Variants in KIF26B observed in about 807,000 individuals in gnomAD.
The protein encoded by KIF26B is kinesin family member 26B, also known as kinesin-like protein KIF26B.
In KIF26B, 63 loss-of-function variants were observed where a neutral mutation model predicts 151.2. The ratio of observed to expected loss-of-function variants is 0.42; its 90% CI spans 0.34 to 0.51. The LOEUF is 0.51. KIF26B is among the 20% of genes least tolerant of loss of function. The pLI is 0.07. For missense variants in KIF26B, 2,813 were observed against 2,913.6 expected, an observed-to-expected ratio of 0.97 and a Z score of 0.79; for synonymous variants, 1,357 against 1,262.1, an observed-to-expected ratio of 1.08 and a Z score of -1.59.
chr1:245,652,715 C>G (rs2044033392), intron 10 of KIF26B, among the ~76,000 whole-genome samples: 1 of 152,160 alleles, frequency 6.6e-6, no homozygotes, highest in South Asian at 2.1e-4. Context: ...TAGTTTGACA[C>G]ATGAACTCTA....
intron 3 of KIF26B, among the ~76,000 whole-genome samples, chr1:245,385,368 A>T (rs1251270633): frequency 6.6e-6 from 1 of 152,276 alleles, no homozygotes; most frequent in Non-Finnish European, 1.5e-5. Flanking sequence ...GTAACTAGTC[A>T]TTAAATGTTT....
chr1:245,367,848 A>G lies in KIF26B; in HGVS notation c.999+481A>G, dbSNP rs1426427839. Among the ~76,000 whole-genome samples, 2 of 152,252 alleles carry G rather than the reference A, an allele frequency of 1.3e-5. No homozygotes were observed. The highest frequency in any genetic ancestry group is 4.8e-5 in the African/African-American group (2 of 41,464). ...GGATGTGAGTCACGAGAATTAAATA[A>G]GGTAGTGTTTGCATGACATGTAGGC... On this transcript the variant is annotated intron_variant, in intron 3 of 14. Coordinates refer to ENST00000407071, the MANE Select transcript of KIF26B (RefSeq NM_018012.4). The surrounding 1 kb of genome is among the most constrained non-coding windows in gnomAD (Gnocchi z 4.2).
At chr1:245,663,762 A>G (rs928918611) in intron 10 of KIF26B, among the ~76,000 whole-genome samples, 18 of 152,098 alleles carry the variant, frequency 1.2e-4, no homozygotes, top group African/African-American at 4.3e-4. Context: ...CAGGGTTCGC[A>G]ATTCTCAGGA....
intron 9 of KIF26B, among the ~76,000 whole-genome samples, chr1:245,618,645 A>G (rs185049627): frequency 5.6e-3 from 591 of 105,154 alleles, no homozygotes; most frequent in Admixed American, 0.018. Context: ...GGCTGTGTCC[A>G]CTGCATCAGT....
chr1:245,627,267 C>T (rs1771510), intron 9 of KIF26B, among the ~76,000 whole-genome samples: 116,215 of 152,076 alleles, frequency 0.76, 44,608 homozygotes, highest in East Asian at 0.89. Flanking sequence ...GATATTTCGA[C>T]AGAGACTGCA....
At chr1:245,565,479 G>A (rs781593116) in intron 5 of KIF26B, among the ~76,000 whole-genome samples, 1 of 151,920 alleles carries the variant, frequency 6.6e-6, no homozygotes, top group African/African-American at 2.4e-5. Context: ...TAGTAGAGAC[G>A]GGGTCTCACT....
intron 3 of KIF26B, among the ~76,000 whole-genome samples, chr1:245,411,963 T>C (rs1392016519): frequency 1.3e-5 from 2 of 152,214 alleles, no homozygotes; most frequent in Non-Finnish European, 2.9e-5. Context: ...CTCTACATTA[T>C]TTAACTTTGA....
At chr1:245,269,304 C>G (rs1294151352) in intron 2 of KIF26B, among the ~76,000 whole-genome samples, 4 of 147,068 alleles carry the variant, frequency 2.7e-5, no homozygotes, top group African/African-American at 1.0e-4. Flanking sequence ...CCTCCCTGCT[C>G]TGTGGCTGCC....
At chr1:245,585,515 G>A (rs894373830) in intron 5 of KIF26B, among the ~76,000 whole-genome samples, 4 of 150,768 alleles carry the variant, frequency 2.7e-5, no homozygotes, top group Non-Finnish European at 4.4e-5. Flanking sequence ...CAGGGCTGCC[G>A]TTCCTTCTCC....
chr1:245,616,223 T>C (rs2103158373), intron 9 of KIF26B, among the ~76,000 whole-genome samples: 1 of 152,376 alleles, frequency 6.6e-6, no homozygotes, highest in East Asian at 1.9e-4. Context: ...GTTTTGCAGA[T>C]AGCACTAGGT....
intron 2 of KIF26B, among the ~76,000 whole-genome samples, chr1:245,184,684 A>G (rs1668970754): frequency 6.6e-6 from 1 of 152,260 alleles, no homozygotes; most frequent in Non-Finnish European, 1.5e-5. Flanking sequence ...AGCCATTGTT[A>G]CCTTCAAGAG....
intron 5 of KIF26B, among the ~76,000 whole-genome samples, chr1:245,583,170 G>T (rs1023972408): frequency 6.6e-6 from 1 of 151,836 alleles, no homozygotes; most frequent in Non-Finnish European, 1.5e-5. Context: ...TTTCATATCC[G>T]GAGCATTCCC....
rs819893 is a variant in KIF26B at position 245,385,809 on chromosome 1, G to A, written c.999+18442G>A. Among the ~76,000 whole-genome samples, 457 of 152,296 alleles carry A rather than the reference G, an allele frequency of 3.0e-3. 1 individual carries two copies. The highest frequency in any genetic ancestry group is 0.01 in the African/African-American group (422 of 41,540). ...ATGGAGACAGGGAGGTTGGCAGACC[G>A]CTGGCTTAGGAGGAAGACAGCAGCA... On this transcript the variant is annotated intron_variant, in intron 3 of 14. Coordinates refer to ENST00000407071, the MANE Select transcript of KIF26B (RefSeq NM_018012.4).
intron 2 of KIF26B, among the ~76,000 whole-genome samples, chr1:245,363,088 A>G (rs1672860148): frequency 6.6e-6 from 1 of 152,226 alleles, no homozygotes; most frequent in Admixed American, 6.5e-5. Flanking sequence ...CAGCTGATCC[A>G]GAGGACATGG....
At chr1:245,287,313 A>T (rs978545537) in intron 2 of KIF26B, among the ~76,000 whole-genome samples, 70 of 152,108 alleles carry the variant, frequency 4.6e-4, no homozygotes, top group African/African-American at 1.7e-3. Flanking sequence ...AATGTTTGTT[A>T]CTTTAAGCCA....
chr1:245,185,620 G>C (rs1668986836), intron 2 of KIF26B, among the ~76,000 whole-genome samples: 1 of 152,178 alleles, frequency 6.6e-6, no homozygotes, highest in Non-Finnish European at 1.5e-5. Context: ...TGTGTCACAG[G>C]AATGAGCTGT....
chr1:245,423,657 T>A (rs746688269), intron 4 of KIF26B, among the ~76,000 whole-genome samples: 40 of 152,138 alleles, frequency 2.6e-4, no homozygotes, highest in Non-Finnish European at 4.0e-4. Flanking sequence ...ACATTTGTTG[T>A]TGCTCTTGAG....
intron 2 of KIF26B, among the ~76,000 whole-genome samples, chr1:245,350,192 C>T (rs1672536137): frequency 6.6e-6 from 1 of 152,122 alleles, no homozygotes; most frequent in Non-Finnish European, 1.5e-5. Context: ...GAGGTGTGCA[C>T]AGGGCTGAGG....
chr1:245,474,330 G>T (rs1558180587), intron 4 of KIF26B, among the ~76,000 whole-genome samples: 1 of 150,996 alleles, frequency 6.6e-6, no homozygotes, highest in African/African-American at 2.4e-5. Context: ...AGATGGTCTT[G>T]ATCTCCTGAC....
Sources: allele counts gnomAD v4.1 joint callset (sites outside exome capture counted in the v4.1 genomes callset), GRCh38; gene constraint gnomAD v4.1.1; non-coding constraint Gnocchi (gnomAD v3.1); transcripts MANE v1.5; gene names NCBI Gene and HGNC (gene_info 2026-07-23, HGNC 2026-07-21).